Variants in PRSS27 observed in about 807,000 individuals in gnomAD.
The protein encoded by PRSS27 is channel-activating protease 2.
A neutral mutation model predicts 32.0 loss-of-function variants in PRSS27; 25 were observed. The observed-to-expected ratio is 0.78, with a 90% CI of 0.57 to 1.09. The LOEUF is 1.09. Ranked by LOEUF, PRSS27 falls within the 50% of genes least tolerant of loss-of-function variation. The pLI is 0.00. For synonymous variants in PRSS27, 178 were observed against 172.2 expected (o/e 1.03, Z -0.26); for missense variants, 401 against 394.9 (o/e 1.02, Z -0.13).
chr16:2,713,987 G>T, intron 4 of PRSS27, 78 bp downstream of exon 4: 1 of 1,415,860 alleles, frequency 7.1e-7, no homozygotes, highest in South Asian at 1.3e-5. Context: ...GGAAGATTGT[G>T]GGTTCAGAGT....
intron 1 of PRSS27, among the ~76,000 whole-genome samples, chr16:2,719,643 G>C (rs1323948918): frequency 6.6e-6 from 1 of 152,172 alleles, no homozygotes. Context: ...TACTGAGCCT[G>C]CAGCCAGCCT....
rs753755240 is a variant in PRSS27, at chr16:2,715,819, C to G, written c.135G>C (p.Glu45Asp). The G allele has an allele frequency of 6.2e-7, 1 of 1,605,900 alleles. No individual in the cohort carries two copies. Among genetic ancestry groups the G allele is most frequent in the African/African-American group, 1.3e-5 (1 of 74,834 alleles). Reference sequence around the variant, plus strand: ...GCTGGATGCTGACTTGCCAGGGCCACTCGCCCTCCTGCGTGTCCTGCCCGC... The same window carrying G: ...GCTGGATGCTGACTTGCCAGGGCCAGTCGCCCTCCTGCGTGTCCTGCCCGC... ...MVGGQDTQEG[E>D]WPWQVSIQRN... Residue 45 changes from glutamate (E) to aspartate (D), a missense_variant, in exon 3 of 6, where the codon GAG (glutamate) becomes GAC (aspartate). Physicochemically the swap from Glu to Asp is conservative, Grantham distance 45. Coordinates refer to ENST00000302641, the MANE Select transcript of PRSS27 (RefSeq NM_031948.5).
intron 3 of PRSS27, 40 bp downstream of exon 3, chr16:2,715,661 GGTCGCGCGCGGGGCGCT>G (rs1052538862): frequency 2.1e-5 from 30 of 1,452,738 alleles, no homozygotes; most frequent in Non-Finnish European, 2.6e-5. Context: ...GTGCTGAACC[GGTCGCGCGCGGGGCGCT>G]GTCAGCGCTA....
chr16:2,712,682 A>G lies in PRSS27; in HGVS notation c.811T>C (p.Trp271Arg). The change falls in exon 6 of 6, where the codon TGG (tryptophan) becomes CGG (arginine). Residue 271 changes from tryptophan (W) to arginine (R), a missense_variant. Coordinates refer to ENST00000302641, the MANE Select transcript of PRSS27 (RefSeq NM_031948.5). This position sits in a 1 kb window ranked among gnomAD's most constrained non-coding sequence, Gnocchi z 4.6. ...AGTTTGGGGATGATCCGATGGATCC[A>G]GTTGTGGTGGGCGGTGACACGGATG... ...VYIRVTAHHN[W>R]IHRIIPKLQF... 6.3e-7 allele frequency: 1 copy of G among 1,599,836 alleles called. No individual in the cohort carries two copies. The highest frequency in any genetic ancestry group is 8.5e-7 in the Non-Finnish European group (1 of 1,173,148).
intron 2 of PRSS27, 85 bp downstream of exon 2, chr16:2,716,415 G>A (rs1000287616): frequency 3.5e-5 from 45 of 1,291,842 alleles, no homozygotes; most frequent in Non-Finnish European, 4.2e-5. Flanking sequence ...TGTCCTGTGC[G>A]TTCCAAATTC....
chr16:2,714,587 T>G lies in PRSS27; in HGVS notation c.237-251A>C. ...TGGGCAAGTCACTTAACAAGTTCTC[T>G]GTGATGCAGCTTTCTCACCTGTGCT... On this transcript the variant is annotated intron_variant, in intron 3 of 5. Transcript: ENST00000302641. The surrounding 1 kb of genome is among the most constrained non-coding windows in gnomAD (Gnocchi z 4.7). 5.4e-6 allele frequency: 3 copies of G among 555,726 alleles called. No homozygotes were observed. The highest frequency in any genetic ancestry group is 3.1e-5 in the East Asian group (1 of 32,050). 34.4% of individuals were successfully genotyped at this position (555,726 alleles called of 1,614,324 possible).
Position 2,712,424 on chromosome 16 carries a change from G to A in PRSS27, c.*196C>T, listed in dbSNP as rs2067667075. On this transcript the variant is annotated 3_prime_UTR_variant, in exon 6 of 6. Coordinates refer to ENST00000302641, the MANE Select transcript of PRSS27 (RefSeq NM_031948.5). The surrounding 1 kb of genome is among the most constrained non-coding windows in gnomAD (Gnocchi z 4.6). ...CCAAGGATCCCCACGTGGGCAGCTG[G>A]CACACAGGCTGGGTTTTTATTGGGA... 6 of 569,162 alleles carry A rather than the reference G, an allele frequency of 1.1e-5. No individual in the cohort carries two copies. The highest frequency in any genetic ancestry group is 3.2e-5 in the East Asian group (1 of 31,112). The allele number at this position is 569,162 out of a possible 1,614,324, so 35.3% of individuals were successfully genotyped here.
chr16:2,713,765 C>A, intron 4 of PRSS27, 67 bp from the exon 5 acceptor site: 2 of 1,532,528 alleles, frequency 1.3e-6, no homozygotes, highest in South Asian at 1.1e-5. Context: ...GCCCCGGGAA[C>A]CACCACTCCA....
chr16:2,715,903 T>TG, intron 2 of PRSS27, 23 bp from the exon 3 acceptor site: 1 of 1,536,334 alleles, frequency 6.5e-7, no homozygotes, highest in Non-Finnish European at 8.8e-7. Flanking sequence ...GGGGAGCGGG[T>TG]GGGGGCGCTC....
chr16:2,715,673 G>A, intron 3 of PRSS27, 45 bp downstream of exon 3: 3 of 1,500,778 alleles, frequency 2.0e-6, no homozygotes, highest in Non-Finnish European at 2.7e-6. Flanking sequence ...TCGCGCGCGG[G>A]GCGCTGTCAG....
intron 5 of PRSS27, chr16:2,713,184 C>T (rs563333531): frequency 7.6e-5 from 35 of 458,302 alleles, no homozygotes; most frequent in Middle Eastern, 6.5e-4. Flanking sequence ...CTGCAAGCTC[C>T]GCCTCCCAGG....
rs1369428909 is a variant in PRSS27, at chr16:2,715,810, C to T, written c.144G>A (p.Trp48Ter). Residue 48 changes from tryptophan to a stop codon, truncating the protein, a stop_gained, in exon 3 of 6, where the codon TGG becomes TGA. Transcript: ENST00000302641. LOFTEE classifies it high-confidence loss of function. Reference protein sequence around the residue: ...GQDTQEGEWPWQVSIQRNGSH... With the variant: ...GQDTQEGEWP ...TTCCGTTGCGCTGGATGCTGACTTG[C>T]CAGGGCCACTCGCCCTCCTGCGTGT... The T allele has an allele frequency of 1.9e-6, 3 of 1,605,320 alleles. No individual in the cohort carries two copies. Among genetic ancestry groups the T allele is most frequent in the Non-Finnish European group, 2.5e-6 (3 of 1,177,956 alleles).
rs1215951248 is a variant in PRSS27 at position 2,717,685 on chromosome 16, G to C, written c.47-1159C>G. ...AAGATAACCAGTCCCCTGGAGTTGA[G>C]GGGCTGTGGGGACAGGAAGTGGCCA... On this transcript the variant is annotated intron_variant, in intron 1 of 5. Transcript: ENST00000302641. The surrounding 1 kb of genome is among the most constrained non-coding windows in gnomAD (Gnocchi z 4.1). 1 of 152,304 alleles carries C rather than the reference G, an allele frequency of 6.6e-6. No individual in the cohort carries two copies. Among genetic ancestry groups the C allele is most frequent in the Non-Finnish European group, 1.5e-5 (1 of 68,128 alleles). 9.4% of individuals were successfully genotyped at this position (152,304 alleles called of 1,614,324 possible). A position where few individuals can be genotyped will look rare whatever the true frequency, so the allele number is the denominator to read the frequency against.
In PRSS27 at chr16:2,720,131, C is replaced by G. The variant is rs969745190; in HGVS notation, c.30G>C (p.Leu10=). The G allele has an allele frequency of 6.2e-7, 1 of 1,603,514 alleles. No individual in the cohort carries two copies. ...ACGACTCACCAAAACACAGCAGCAG[C>G]AGGAGCGGCACCGCCGCCGGCCGCC... MRRPAAVPL[L]LLLCFGSQRA... The change falls in exon 1 of 6, where the codon CTG becomes CTC. Residue 10 remains leucine, a synonymous_variant. Coordinates refer to ENST00000302641, the MANE Select transcript of PRSS27 (RefSeq NM_031948.5).
intron 2 of PRSS27, 165 bp from the exon 3 acceptor site, chr16:2,716,045 G>A: frequency 1.7e-6 from 1 of 596,640 alleles, no homozygotes; most frequent in Non-Finnish European, 2.9e-6. Flanking sequence ...TGGGATACAG[G>A]CAGACCCTCC....
At chr16:2,716,864 C>T (rs774129781) in intron 1 of PRSS27, 3 of 375,102 alleles carry the variant, frequency 8.0e-6, no homozygotes, top group Non-Finnish European at 1.5e-5. Flanking sequence ...CACTCCACAC[C>T]CATCCTTGTC....
At chr16:2,716,778 C>T (rs1049428858) in intron 1 of PRSS27, 22 of 545,398 alleles carry the variant, frequency 4.0e-5, no homozygotes, top group South Asian at 3.8e-4. Context: ...CATGGGGAGC[C>T]GGTCAGGAGA....
chr16:2,720,037 C>A, intron 1 of PRSS27, 78 bp downstream of exon 1: 1 of 1,344,014 alleles, frequency 7.4e-7, no homozygotes, highest in Non-Finnish European at 1.0e-6. Flanking sequence ...GAGTAGGGGG[C>A]TGAGCCGGAG....
rs1413079005 is a variant in PRSS27 at position 2,714,137 on chromosome 16, G to C, written c.436C>G (p.Pro146Ala). The C allele has an allele frequency of 6.2e-7, 1 of 1,614,142 alleles. No individual in the cohort carries two copies. The highest frequency in any genetic ancestry group is 1.7e-5 in the Admixed American group (1 of 60,026). ...GTCTCAAAGATCACCGAGGGGTCAG[G>C]CAGGCACACGGGGAGGATGTAATTG... ...FTNYILPVCL[P>A]DPSVIFETGM... Residue 146 changes from proline to alanine, a missense_variant, in exon 4 of 6, where the codon CCT becomes GCT. Coordinates refer to ENST00000302641, the MANE Select transcript of PRSS27 (RefSeq NM_031948.5). This position sits in a 1 kb window ranked among gnomAD's most constrained non-coding sequence, Gnocchi z 4.7.
Sources: allele counts gnomAD v4.1 joint callset (sites outside exome capture counted in the v4.1 genomes callset), GRCh38; gene constraint gnomAD v4.1.1; non-coding constraint Gnocchi (gnomAD v3.1); transcripts MANE v1.5; gene names NCBI Gene and HGNC (gene_info 2026-07-23, HGNC 2026-07-21).